HSD17B2: variants seen among roughly 807,000 people sequenced by gnomAD.
HSD17B2 encodes hydroxysteroid 17-beta dehydrogenase 2.
In HSD17B2, 32 loss-of-function variants were observed where a neutral mutation model predicts 26.9. The observed-to-expected ratio is 1.19, with a 90% CI of 0.90 to 1.60. The LOEUF is 1.60. Among genes scored for constraint, HSD17B2 ranks in the 40% most tolerant of loss-of-function variants. The pLI is 0.00. For synonymous variants in HSD17B2, 246 were observed against 186.7 expected, an observed-to-expected ratio of 1.32 and a Z score of -2.59; for missense variants, 613 against 468.6, an observed-to-expected ratio of 1.31 and a Z score of -2.85.
intron 2 of HSD17B2, 21 bp downstream of exon 2, chr16:82,068,403 A>C (rs955617869): frequency 1.9e-6 from 3 of 1,589,462 alleles, no homozygotes; most frequent in Non-Finnish European, 2.6e-6. Context: ...CAGCACCCTC[A>C]GTGCCTTTAC....
chr16:82,061,506 A>C (rs1914437653), intron 1 of HSD17B2, among the ~76,000 whole-genome samples: 2 of 152,186 alleles, frequency 1.3e-5, no homozygotes, highest in Non-Finnish European at 2.9e-5. Flanking sequence ...CAGCTCCAGA[A>C]TCCAGGTTAT....
intron 2 of HSD17B2, chr16:82,070,654 A>G (rs1914677078): frequency 1.2e-5 from 5 of 421,886 alleles, no homozygotes; most frequent in African/African-American, 4.0e-5. Flanking sequence ...GGCTCCTGCC[A>G]AACCCTTAAT....
chr16:82,063,044 T>C (rs1207767980), intron 1 of HSD17B2: 1 of 152,266 alleles, frequency 6.6e-6, no homozygotes, highest in Admixed American at 6.5e-5. Context: ...AAATCCTGTC[T>C]TGCTGACTGC....
chr16:82,064,780 C>G (rs912509972), intron 1 of HSD17B2, among the ~76,000 whole-genome samples: 1 of 152,234 alleles, frequency 6.6e-6, no homozygotes, highest in African/African-American at 2.4e-5. Flanking sequence ...TCGTCTATGT[C>G]TGTGGACAAC....
chr16:82,083,945 G>C (rs1009983305), intron 3 of HSD17B2, among the ~76,000 whole-genome samples: 3 of 152,204 alleles, frequency 2.0e-5, no homozygotes, highest in African/African-American at 7.2e-5. Flanking sequence ...ATGGTACAAA[G>C]AGCAGTTGGA....
At position 82,043,684 on chromosome 16, in the gene HSD17B2, CAAAAA is replaced by C. The variant is rs398030034; in HGVS notation, c.265+8021_265+8025del. 2.3e-3 allele frequency among the ~76,000 whole-genome samples: 52 copies of C among 22,550 alleles called. No homozygotes were observed. In the East Asian group the frequency reaches 0.04, roughly 17 times the overall value. 14.8% of individuals were successfully genotyped at this position (22,550 alleles called of 152,430 possible). On this transcript the variant is annotated intron_variant, in intron 1 of 4. Coordinates refer to ENST00000199936, the MANE Select transcript of HSD17B2 (RefSeq NM_002153.3). Reference sequence around the variant, plus strand: ...TGGGCGACAAGGCAAAACTCTGTCTCAAAAAAAAAAAAAAAAAAAAAAAAAAAAAA... The same window carrying C: ...TGGGCGACAAGGCAAAACTCTGTCTCAAAAAAAAAAAAAAAAAAAAAAAAA...
intron 2 of HSD17B2, among the ~76,000 whole-genome samples, chr16:82,069,354 G>C (rs1019374752): frequency 6.6e-6 from 1 of 152,126 alleles, no homozygotes; most frequent in African/African-American, 2.4e-5. Flanking sequence ...TTGCTTTTGT[G>C]ACTAGGGCTG....
chr16:82,079,336 T>C (rs948166432), intron 3 of HSD17B2, among the ~76,000 whole-genome samples: 1 of 152,174 alleles, frequency 6.6e-6, no homozygotes, highest in Non-Finnish European at 1.5e-5. Context: ...GACCAAGGTG[T>C]CGGCAGGGTT....
At chr16:82,087,233 A>C (rs1434107499) in intron 3 of HSD17B2, among the ~76,000 whole-genome samples, 4 of 152,246 alleles carry the variant, frequency 2.6e-5, no homozygotes, top group African/African-American at 9.6e-5. Flanking sequence ...GCCAATAGTT[A>C]ACAAAGCTGT....
chr16:82,091,282 G>A (rs753913110), intron 4 of HSD17B2: 1 of 530,126 alleles, frequency 1.9e-6, no homozygotes, highest in Non-Finnish European at 3.4e-6. Flanking sequence ...CCAGGGAGAG[G>A]GGAAAGCATG....
chr16:82,088,859 C>T (rs1597139060), intron 3 of HSD17B2, among the ~76,000 whole-genome samples: 3 of 152,282 alleles, frequency 2.0e-5, no homozygotes, highest in African/African-American at 7.2e-5. Flanking sequence ...CAGGGCCAAA[C>T]CCCAAGTTAG....
intron 1 of HSD17B2, among the ~76,000 whole-genome samples, chr16:82,047,719 G>A (rs8191076): frequency 6.6e-6 from 1 of 152,190 alleles, no homozygotes; most frequent in Non-Finnish European, 1.5e-5. Flanking sequence ...AAGAAAAGGA[G>A]AGACCCACTG....
intron 1 of HSD17B2, among the ~76,000 whole-genome samples, chr16:82,057,808 T>A (rs1395190779): frequency 6.6e-6 from 1 of 152,198 alleles, no homozygotes; most frequent in Admixed American, 6.5e-5. Flanking sequence ...AAATCCCTGA[T>A]GAGCACTCCG....
intron 2 of HSD17B2, 117 bp downstream of exon 2, chr16:82,068,499 C>T: frequency 1.2e-6 from 1 of 820,236 alleles, no homozygotes; most frequent in Non-Finnish European, 1.9e-6. Flanking sequence ...CCCTGAAGCA[C>T]ACCTGTGCTG....
chr16:82,097,986 G>C (rs1904903024), intron 4 of HSD17B2, 89 bp from the exon 5 acceptor site: 1 of 1,280,096 alleles, frequency 7.8e-7, no homozygotes, highest in South Asian at 1.5e-5. Flanking sequence ...CATTTGCAAA[G>C]GGCCATCCTT....
At chr16:82,062,502 G>C (rs1914467719) in intron 1 of HSD17B2, among the ~76,000 whole-genome samples, 1 of 152,188 alleles carries the variant, frequency 6.6e-6, no homozygotes, top group Non-Finnish European at 1.5e-5. Context: ...GCTAAGCCTT[G>C]TGCTTTGGAG....
intron 4 of HSD17B2, chr16:82,094,475 T>C (rs1440036334): frequency 6.6e-6 from 1 of 152,232 alleles, no homozygotes; most frequent in Non-Finnish European, 1.5e-5. Context: ...GGGGATCTGG[T>C]ATCCCACGTA....
chr16:82,067,303 A>T (rs1237013037), intron 1 of HSD17B2, among the ~76,000 whole-genome samples: 1 of 152,248 alleles, frequency 6.6e-6, no homozygotes, highest in Non-Finnish European at 1.5e-5. Flanking sequence ...AACAAGAGAG[A>T]CGTTAACTGT....
At position 82,098,318 on chromosome 16, in the gene HSD17B2, G is replaced by A. The variant is rs762455822; in HGVS notation, c.1046G>A (p.Cys349Tyr). The change falls in exon 5 of 5, where the codon TGC becomes TAC. Residue 349 changes from cysteine (C) to tyrosine (Y), a missense_variant. Physicochemically the swap from Cys to Tyr is radical, Grantham distance 194. Transcript: ENST00000199936. ...TPGKGAYLWI[C>Y]LAHYLPIGIY... ...GGGAAAGGCGCTTACTTGTGGATCT[G>A]CCTTGCTCACTATTTGCCTATTGGC... The A allele has an allele frequency of 6.2e-7, 1 of 1,614,184 alleles. No homozygotes were observed. Among genetic ancestry groups the A allele is most frequent in the Non-Finnish European group, 8.5e-7 (1 of 1,180,022 alleles).
Sources: allele counts gnomAD v4.1 joint callset (sites outside exome capture counted in the v4.1 genomes callset), GRCh38; gene constraint gnomAD v4.1.1; transcripts MANE v1.5; gene names NCBI Gene and HGNC (gene_info 2026-07-23, HGNC 2026-07-21).